RBM11: variants seen among roughly 807,000 people sequenced by gnomAD.
The protein encoded by RBM11 is RNA binding motif protein 11.
In RBM11, 18 loss-of-function variants were observed where a neutral mutation model predicts 21.4. That is an observed-to-expected ratio of 0.84 (90% CI 0.58 to 1.25). The LOEUF is 1.25. Ranked by LOEUF, RBM11 falls within the 50% of genes most tolerant of loss-of-function variation. RBM11 has a pLI of 0.00. For synonymous variants in RBM11, 120 were observed against 116.3 expected (o/e 1.03, Z -0.20); for missense variants, 294 against 331.9 (o/e 0.89, Z 0.89).
chr21:14,221,105 C>A lies in RBM11; in HGVS notation c.268C>A (p.Arg90Ser). 1 of 1,575,236 alleles carries A rather than the reference C, an allele frequency of 6.3e-7. No individual in the cohort carries two copies. Among genetic ancestry groups the A allele is most frequent in the East Asian group, 2.3e-5 (1 of 43,778 alleles). Residue 90 changes from arginine to serine, a missense_variant, in exon 3 of 5, where the codon CGC becomes AGC. Arg to Ser is a moderately radical substitution (Grantham distance 110). Transcript: ENST00000400577. ...CTCTGTTTCTTTCAAAGGGAGTTCT[C>A]GCTCTTCTGAACCAGCTAACCAAAG... is the stretch of plus-strand genomic sequence containing the variant. ...INVQYRFGSS[R>S]SSEPANQSFE...
chr21:14,221,222 A>T (rs544961859), intron 3 of RBM11, 53 bp downstream of exon 3: 2 of 1,491,872 alleles, frequency 1.3e-6, no homozygotes, highest in Non-Finnish European at 1.8e-6. Context: ...TTTTTATGCC[A>T]AGAGGAGTTT....
rs1600968987 is a variant in RBM11 at position 14,227,102 on chromosome 21, G to T, written c.655G>T (p.Val219Phe). The change falls in exon 5 of 5, where the codon GTT (valine) becomes TTT (phenylalanine). Residue 219 changes from valine (V) to phenylalanine (F), a missense_variant. Around this residue, in one of 2 missense-constraint regions of RBM11, gnomAD observed 113 missense variants for 167.3 expected, o/e 0.68. Coordinates refer to ENST00000400577, the MANE Select transcript of RBM11 (RefSeq NM_144770.5). The part of the protein sequence containing the change: ...SASVSSSLNH[V>F]PDLEAGPSSY... ...ATCCGTGTCTTCCTCACTGAATCAT[G>T]TTCCAGATCTTGAGGCTGGACCCAG... is the stretch of plus-strand genomic sequence containing the variant. 2 of 1,604,308 alleles carry T rather than the reference G, an allele frequency of 1.2e-6. No homozygotes were observed. The highest frequency in any genetic ancestry group is 2.2e-5 in the East Asian group (1 of 44,868).
At position 14,221,126 on chromosome 21, in the gene RBM11, CAA is replaced by C; in HGVS notation, c.291_292del (p.Ser98PhefsTer2). 6.3e-7 allele frequency: 1 copy of C among 1,580,460 alleles called. No homozygotes were observed. Among genetic ancestry groups the C allele is most frequent in the Non-Finnish European group, 8.6e-7 (1 of 1,161,686 alleles). The part of the protein sequence containing the change: ...GSSRSSEPAN[Q>X]SFESCVKINS... ...TTCTCGCTCTTCTGAACCAGCTAAC[CAA>C]AGTTTTGAGAGCTGTGTTAAGATAA... On this transcript the variant is annotated frameshift_variant, in exon 3 of 5. Coordinates refer to ENST00000400577, the MANE Select transcript of RBM11 (RefSeq NM_144770.5). LOFTEE classifies it high-confidence loss of function.
chr21:14,219,580 A>G lies in RBM11; in HGVS notation c.114A>G (p.Lys38=), dbSNP rs1181996166. The G allele has an allele frequency of 6.5e-7, 1 of 1,539,976 alleles. No homozygotes were observed. The highest frequency in any genetic ancestry group is 8.8e-7 in the Non-Finnish European group (1 of 1,134,248). ...TCTTATAGGCGGGGCCACTAACCAA[A>G]GTGACTATATGCAAAGACAGAGAAG... ...ELFLQAGPLT[K]VTICKDREGK... The change falls in exon 2 of 5, where the codon AAA becomes AAG. Residue 38 remains lysine (K), a synonymous_variant. Coordinates refer to ENST00000400577, the MANE Select transcript of RBM11 (RefSeq NM_144770.5).
chr21:14,218,952 G>C (rs1204935501), intron 1 of RBM11, among the ~76,000 whole-genome samples: 1 of 152,036 alleles, frequency 6.6e-6, no homozygotes, highest in Non-Finnish European at 1.5e-5. Flanking sequence ...AATATCTCCA[G>C]TTGTTAGATT....
Position 14,228,360 on chromosome 21 carries a change from T to G in RBM11, c.*1067T>G, listed in dbSNP as rs1241948323. The G allele has an allele frequency of 6.6e-6, 1 of 152,220 alleles. No homozygotes were observed. Among genetic ancestry groups the G allele is most frequent in the Admixed American group, 6.5e-5 (1 of 15,282 alleles). The allele number at this position is 152,220 out of a possible 1,614,324, so 9.4% of individuals were successfully genotyped here. On this transcript the variant is annotated 3_prime_UTR_variant, in exon 5 of 5. Coordinates refer to ENST00000400577, the MANE Select transcript of RBM11 (RefSeq NM_144770.5). ...TTTATTATTTAAAAAAATAAAGATA[T>G]GTTTTTAATGAAGAGAGTAACTGAA... is the stretch of plus-strand genomic sequence containing the variant.
chr21:14,226,619 C>CAAA (rs59480179), intron 4 of RBM11, among the ~76,000 whole-genome samples: 2 of 131,776 alleles, frequency 1.5e-5, no homozygotes, highest in Admixed American at 7.8e-5. Context: ...GACCCTGTCT[C>CAAA]AAAAAAAAAA....
chr21:14,218,655 T>C (rs1178233384), intron 1 of RBM11, among the ~76,000 whole-genome samples: 1 of 152,184 alleles, frequency 6.6e-6, no homozygotes, highest in Non-Finnish European at 1.5e-5. Context: ...AATATTTTTC[T>C]TTAGAGTAAA....
chr21:14,221,313 T>A, intron 3 of RBM11, 144 bp downstream of exon 3: 2 of 969,638 alleles, frequency 2.1e-6, no homozygotes, highest in Non-Finnish European at 2.8e-6. Context: ...TCCGAGCCCA[T>A]GAAAAGTGAT....
intron 3 of RBM11, chr21:14,221,448 A>G (rs908317686): frequency 1.7e-5 from 4 of 241,796 alleles, no homozygotes; most frequent in East Asian, 1.9e-4. Context: ...TAAGCATACA[A>G]GGTTTCATCA....
chr21:14,226,259 A>G (rs1337991134), intron 4 of RBM11, among the ~76,000 whole-genome samples: 1 of 152,160 alleles, frequency 6.6e-6, no homozygotes, highest in Non-Finnish European at 1.5e-5. Flanking sequence ...ATATATTGGG[A>G]TAAATAAAAT....
intron 4 of RBM11, among the ~76,000 whole-genome samples, chr21:14,225,875 C>G (rs1039715702): frequency 6.6e-6 from 1 of 152,020 alleles, no homozygotes; most frequent in Non-Finnish European, 1.5e-5. Context: ...AAGCATCTCT[C>G]TAAACAGTAA....
rs1392005000 is a variant in RBM11, at chr21:14,227,917, T to C, written c.*624T>C. 6.6e-6 allele frequency: 1 copy of C among 152,308 alleles called. No homozygotes were observed. The highest frequency in any genetic ancestry group is 1.5e-5 in the Non-Finnish European group (1 of 68,120). The allele number at this position is 152,308 out of a possible 1,614,324, so 9.4% of individuals were successfully genotyped here. On this transcript the variant is annotated 3_prime_UTR_variant, in exon 5 of 5. Coordinates refer to ENST00000400577, the MANE Select transcript of RBM11 (RefSeq NM_144770.5). ...TTTGGATCATTCCCTTTTTATACAA[T>C]TGTGTATTTATAGGGATACCTTCCT...
At chr21:14,225,015 G>A (rs748567452) in intron 4 of RBM11, among the ~76,000 whole-genome samples, 118 of 152,150 alleles carry the variant, frequency 7.8e-4, no homozygotes, top group Middle Eastern at 3.4e-3. Flanking sequence ...AGCTACTCGG[G>A]AGGCTGAGGC....
At chr21:14,217,494 T>C (rs953058328) in intron 1 of RBM11, among the ~76,000 whole-genome samples, 1 of 152,200 alleles carries the variant, frequency 6.6e-6, no homozygotes, top group African/African-American at 2.4e-5. Context: ...GAAACTTAAC[T>C]AAAGCAACCC....
intron 3 of RBM11, among the ~76,000 whole-genome samples, chr21:14,223,423 C>T (rs907550240): frequency 3.9e-5 from 6 of 152,160 alleles, no homozygotes; most frequent in Non-Finnish European, 5.9e-5. Context: ...GTACCGCAAA[C>T]AGAGTACTTA....
At chr21:14,224,726 T>C (rs1489732883) in intron 4 of RBM11, among the ~76,000 whole-genome samples, 189 bp downstream of exon 4, 2 of 152,190 alleles carry the variant, frequency 1.3e-5, no homozygotes, top group Non-Finnish European at 2.9e-5. Flanking sequence ...CCTTAGCAAA[T>C]GGCCAGGGTG....
chr21:14,219,085 AATTT>A (rs1013198911), intron 1 of RBM11, among the ~76,000 whole-genome samples: 1 of 152,124 alleles, frequency 6.6e-6, no homozygotes, highest in African/African-American at 2.4e-5. Flanking sequence ...ATGCATGATA[AATTT>A]ATTTATTCTT....
chr21:14,224,658 C>T (rs1978949929), intron 4 of RBM11, 121 bp downstream of exon 4: 9 of 1,352,556 alleles, frequency 6.7e-6, no homozygotes, highest in Non-Finnish European at 8.8e-6. Flanking sequence ...GATGTCCCAG[C>T]ACTGTCCTCC....
Sources: gnomAD v4.1 joint callset for allele counts (sites outside exome capture counted in the v4.1 genomes callset) on GRCh38, gnomAD v4.1.1 for gene constraint, gnomAD v4.1.1 regional missense constraint, MANE v1.5 for transcripts, NCBI Gene and HGNC (gene_info 2026-07-23, HGNC 2026-07-21) for gene names.